Variants in CBR4 observed in about 807,000 individuals in gnomAD.
CBR4 encodes the protein 3-oxoacyl-[acyl-carrier-protein] reductase.
In CBR4, 22 loss-of-function variants were observed where a neutral mutation model predicts 21.0. That is an observed-to-expected ratio of 1.05 (90% CI 0.75 to 1.50). CBR4 has a LOEUF of 1.50. Ranked by LOEUF, CBR4 falls within the 40% of genes most tolerant of loss-of-function variation. The pLI is 0.00. For synonymous variants in CBR4, 100 were observed against 104.4 expected (o/e 0.96, Z 0.26); for missense variants, 302 against 286.3 (o/e 1.05, Z -0.40).
At chr4:168,929,205 A>G (rs910735516) in intron 2 of CBR4, among the ~76,000 whole-genome samples, 3 of 152,120 alleles carry the variant, frequency 2.0e-5, no homozygotes. Flanking sequence ...ACACACACAC[A>G]CCCATATTCA....
At chr4:168,987,121 G>A (rs978884900), downstream of CBR4, among the ~76,000 whole-genome samples, 2 of 152,062 alleles carry the variant, frequency 1.3e-5, no homozygotes, top group African/African-American at 4.8e-5. Context: ...TGGATTATTA[G>A]GCCAAAGCTT....
chr4:168,989,217 T>A lies in CBR4; in HGVS notation c.*933A>T. 4 of 974,268 alleles carry A rather than the reference T, an allele frequency of 4.1e-6. No homozygotes were observed. Among genetic ancestry groups the A allele is most frequent in the Non-Finnish European group, 4.9e-6 (4 of 819,766 alleles). The allele number at this position is 974,268 out of a possible 1,614,324, so 60.4% of individuals were successfully genotyped here. On this transcript the variant is annotated 3_prime_UTR_variant, in exon 5 of 5. Transcript: ENST00000306193. The stretch of plus-strand genomic sequence containing the variant: ...CTAATGCAAAATACTCTTAATTTTT[T>A]AAATGTTGTATTTCTCGTTTTTAAA...
intron 2 of CBR4, among the ~76,000 whole-genome samples, chr4:168,908,768 A>G (rs898512809): frequency 2.6e-5 from 4 of 152,220 alleles, no homozygotes; most frequent in Admixed American, 1.3e-4. Context: ...TAGTTCAGTA[A>G]TGAAACACAG....
intron 2 of CBR4, chr4:168,921,422 A>AAC: frequency 1.5e-6 from 1 of 676,334 alleles, no homozygotes; most frequent in Non-Finnish European, 2.4e-6. Context: ...AAAAAAAAAA[A>AAC]AAAAGCCACC....
chr4:168,986,681 C>T (rs1329054202), downstream of CBR4, among the ~76,000 whole-genome samples: 6 of 152,174 alleles, frequency 3.9e-5, no homozygotes, highest in Admixed American at 6.5e-5. Context: ...TGGTGGCTCA[C>T]GCCTGTAATC....
chr4:169,005,822 G>GA, intron 3 of CBR4: 1 of 1,171,528 alleles, frequency 8.5e-7, no homozygotes, highest in Non-Finnish European at 1.1e-6. Flanking sequence ...TTTCAAAACA[G>GA]AAAAACTCTA....
chr4:168,955,821 A>G (rs1335940696), intron 2 of CBR4, among the ~76,000 whole-genome samples: 1 of 152,198 alleles, frequency 6.6e-6, no homozygotes, highest in East Asian at 1.9e-4. Context: ...GCTATGCAGC[A>G]GCAATGGCCA....
Position 168,925,064 on chromosome 4 carries a change from G to C in CBR4, n.170-30299C>G. 6.2e-7 allele frequency: 1 copy of C among 1,614,074 alleles called. No homozygotes were observed. Among genetic ancestry groups the C allele is most frequent in the Non-Finnish European group, 8.5e-7 (1 of 1,179,968 alleles). On this transcript the variant is annotated intron_variant and non_coding_transcript_variant, in intron 2 of 3. Coordinates refer to the CBR4 transcript ENST00000509108. ...GCAGGGATTGTGTCCTGTACTGCCA[G>C]GCTGGACGTTTACAGTGAGTGCCAC...
rs556576037 is a variant in CBR4, at chr4:168,931,901, A to AC, written n.170-37137dup. Among the ~76,000 whole-genome samples the AC allele has an allele frequency of 1.4e-3, 206 of 149,030 alleles. 2 individuals carry two copies. Among genetic ancestry groups the AC allele is most frequent in the African/African-American group, 4.9e-3 (199 of 40,270 alleles). The stretch of plus-strand genomic sequence containing the variant: ...ATCCACCTAGAACCAAAGCCAACAC[A>AC]CCCCCCCTAACTGACACTATAAGAT... On this transcript the variant is annotated intron_variant and non_coding_transcript_variant, in intron 2 of 3. Transcript: ENST00000509108.
At chr4:168,961,556 A>G (rs1371062055) in intron 2 of CBR4, among the ~76,000 whole-genome samples, 3 of 152,168 alleles carry the variant, frequency 2.0e-5, no homozygotes, top group African/African-American at 7.2e-5. Flanking sequence ...GAGATCCATG[A>G]ACTAAAATAG....
intron 3 of CBR4, chr4:169,005,267 G>A (rs1730812689): frequency 6.6e-6 from 1 of 152,082 alleles, no homozygotes; most frequent in Admixed American, 6.5e-5. Flanking sequence ...CGATGGTAGC[G>A]GGTTATCAGA....
intron 2 of CBR4, among the ~76,000 whole-genome samples, chr4:168,907,337 T>C (rs536933618): frequency 6.6e-6 from 1 of 152,326 alleles, no homozygotes; most frequent in East Asian, 1.9e-4. Context: ...GTTCCCACAG[T>C]ACTGTCAGAA....
intron 2 of CBR4, among the ~76,000 whole-genome samples, chr4:168,917,620 A>G (rs7690555): frequency 0.7 from 106,318 of 152,046 alleles, 38,538 homozygotes; most frequent in East Asian, 0.96. Flanking sequence ...TTCTGTATGG[A>G]ATATGAGAAC....
chr4:168,937,825 G>C (rs1763155797), intron 2 of CBR4, among the ~76,000 whole-genome samples: 1 of 152,122 alleles, frequency 6.6e-6, no homozygotes, highest in African/African-American at 2.4e-5. Context: ...AGTTCTTAGA[G>C]ACCTACAAAG....
At chr4:168,955,022 T>C (rs1377375138) in intron 2 of CBR4, among the ~76,000 whole-genome samples, 1 of 152,214 alleles carries the variant, frequency 6.6e-6, no homozygotes, top group Non-Finnish European at 1.5e-5. Context: ...AATAGAATTA[T>C]CAATTCCAGG....
At chr4:168,923,193 G>C (rs1056032067) in intron 2 of CBR4, among the ~76,000 whole-genome samples, 8 of 152,228 alleles carry the variant, frequency 5.3e-5, no homozygotes, top group African/African-American at 1.9e-4. Flanking sequence ...AGAATACAAA[G>C]TGAGCTTCTG....
At chr4:168,955,485 T>C (rs1291333969) in intron 2 of CBR4, among the ~76,000 whole-genome samples, 3 of 152,202 alleles carry the variant, frequency 2.0e-5, no homozygotes, top group Non-Finnish European at 2.9e-5. Context: ...CTATGGATAG[T>C]AGACACTCTT....
intron 2 of CBR4, among the ~76,000 whole-genome samples, chr4:168,902,602 A>G (rs2151296532): frequency 6.6e-6 from 1 of 152,200 alleles, no homozygotes; most frequent in Non-Finnish European, 1.5e-5. Context: ...AGACTGCACC[A>G]CCGCACTCTG....
intron 2 of CBR4, among the ~76,000 whole-genome samples, chr4:168,909,203 G>C (rs1758406309): frequency 6.6e-6 from 1 of 152,142 alleles, no homozygotes; most frequent in Admixed American, 6.5e-5. Flanking sequence ...ACTTTGTTTT[G>C]TTGTGTTGCT....
Sources: gnomAD v4.1 joint callset for allele counts (sites outside exome capture counted in the v4.1 genomes callset) on GRCh38, gnomAD v4.1.1 for gene constraint, MANE v1.5 for transcripts, NCBI Gene and HGNC (gene_info 2026-07-23, HGNC 2026-07-21) for gene names.